Variants in BMP10 observed in about 807,000 individuals in gnomAD.
BMP10 encodes bone morphogenetic protein 10.
In BMP10, 9 loss-of-function variants were observed where a neutral mutation model predicts 29.9. The observed-to-expected ratio is 0.30, with a 90% CI of 0.18 to 0.53. The LOEUF is 0.53. Among genes scored for constraint, BMP10 ranks in the 20% least tolerant of loss-of-function variants. The pLI is 0.96. For synonymous variants in BMP10, 202 were observed against 200.2 expected, an observed-to-expected ratio of 1.01 and a Z score of -0.07; for missense variants, 474 against 524.3, an observed-to-expected ratio of 0.90 and a Z score of 0.94.
rs1376286138 is a variant in BMP10, at chr2:68,863,803, A to T, written c.*1828T>A. ...GAGTTTATAACCTTAAGAGATTTGT[A>T]AAAGGGGACTGATTGTTTTCCAGGG... On this transcript the variant is annotated 3_prime_UTR_variant, in exon 2 of 2. Coordinates refer to ENST00000295379, the MANE Select transcript of BMP10 (RefSeq NM_014482.3). Among the ~76,000 whole-genome samples, 1 of 152,152 alleles carries T rather than the reference A, an allele frequency of 6.6e-6. No homozygotes were observed.
chr2:68,868,431 C>A (rs144527475), intron 1 of BMP10, among the ~76,000 whole-genome samples: 2,046 of 152,284 alleles, frequency 0.013, 23 homozygotes, highest in Middle Eastern at 0.031. Flanking sequence ...CCTTATATTT[C>A]AGCCATCTTT....
Position 68,871,325 on chromosome 2 carries a change from A to G in BMP10, c.34T>C (p.Phe12Leu), listed in dbSNP as rs537280954. ...GSLVLTLCAL[F>L]CLAAYLVSGS... ...GAAACCAAGTAAGCTGCCAGGCAGAAAAGAGCGCACAGTGTCAGGACCAGA... is the reference window on the plus strand; with the variant it reads ...GAAACCAAGTAAGCTGCCAGGCAGAGAAGAGCGCACAGTGTCAGGACCAGA... Residue 12 changes from phenylalanine (F) to leucine (L), a missense_variant, in exon 1 of 2, where the codon TTC (phenylalanine) becomes CTC (leucine). Around this residue, in one of 2 missense-constraint regions of BMP10, gnomAD observed 408 missense variants for 415.3 expected, o/e 0.98. Transcript: ENST00000295379. 2 of 1,614,134 alleles carry G rather than the reference A, an allele frequency of 1.2e-6. No homozygotes were observed. Among genetic ancestry groups the G allele is most frequent in the East Asian group, 2.2e-5 (1 of 44,880 alleles).
rs1389219988 is a variant in BMP10 at position 68,861,310 on chromosome 2, A to G, written c.*4321T>C. On this transcript the variant is annotated 3_prime_UTR_variant, in exon 2 of 2. Transcript: ENST00000295379. The stretch of plus-strand genomic sequence containing the variant: ...CTGGCACATTGGCCGCCCCACCACT[A>G]TCAAGCCAGGTGCTCACAAAACCAG... Among the ~76,000 whole-genome samples the G allele has an allele frequency of 1.3e-5, 2 of 152,238 alleles. No homozygotes were observed. Among genetic ancestry groups the G allele is most frequent in the Non-Finnish European group, 2.9e-5 (2 of 68,040 alleles).
chr2:68,861,992 G>A lies in BMP10; in HGVS notation c.*3639C>T, dbSNP rs188798205. Among the ~76,000 whole-genome samples the A allele has an allele frequency of 1.3e-5, 2 of 152,266 alleles. No homozygotes were observed. Among genetic ancestry groups the A allele is most frequent in the Admixed American group, 1.3e-4 (2 of 15,302 alleles). ...TTCTGGGTCAGTGACGGCAACAGGT[G>A]AATTCAGAGGGGAAGTACCAGATTT... On this transcript the variant is annotated 3_prime_UTR_variant, in exon 2 of 2. Transcript: ENST00000295379.
At position 68,863,283 on chromosome 2, in the gene BMP10, CT is replaced by C. The variant is rs1682896244; in HGVS notation, c.*2347del. Among the ~76,000 whole-genome samples the C allele has an allele frequency of 6.6e-6, 1 of 152,190 alleles. No individual in the cohort carries two copies. Among genetic ancestry groups the C allele is most frequent in the East Asian group, 1.9e-4 (1 of 5,196 alleles). ...CCACAAATCAGGGCTTTTTCTCCCCCTGGATTGCTGGTTGTAAGGGTTTTAC... is the reference window on the plus strand; with the variant it reads ...CCACAAATCAGGGCTTTTTCTCCCCCGGATTGCTGGTTGTAAGGGTTTTAC... On this transcript the variant is annotated 3_prime_UTR_variant, in exon 2 of 2. Transcript: ENST00000295379.
chr2:68,865,334 T>TACAC lies in BMP10; in HGVS notation c.*296_*297insGTGT. 2.7e-6 allele frequency: 1 copy of TACAC among 374,140 alleles called. No homozygotes were observed. The highest frequency in any genetic ancestry group is 4.9e-5 in the South Asian group (1 of 20,296). The allele number at this position is 374,140 out of a possible 1,614,324, so 23.2% of individuals were successfully genotyped here. Reference sequence around the variant, plus strand: ...GAACCAAAAGATTTTTGTAAGTTCATGTATGTACAAATATACATACACAAG... The same window carrying TACAC: ...GAACCAAAAGATTTTTGTAAGTTCATACACGTATGTACAAATATACATACACAAG... On this transcript the variant is annotated 3_prime_UTR_variant, in exon 2 of 2. Coordinates refer to ENST00000295379, the MANE Select transcript of BMP10 (RefSeq NM_014482.3). The surrounding 1 kb of genome is among the most constrained non-coding windows in gnomAD (Gnocchi z 4.7).
rs770691289 is a variant in BMP10, at chr2:68,871,137, C to A, written c.222G>T (p.Gln74His). 1.2e-6 allele frequency: 2 copies of A among 1,614,120 alleles called. No homozygotes were observed. The highest frequency in any genetic ancestry group is 2.2e-5 in the South Asian group (2 of 91,078). ...KTLNLSDIPT[Q>H]DSAKVDPPEY... ...CTGGTGGGTCCACCTTGGCTGAATC[C>A]TGCGTGGGGATGTCAGAGAGGTTTA... Residue 74 changes from glutamine to histidine, a missense_variant, in exon 1 of 2, where the codon CAG becomes CAT. Gln to His is a conservative substitution (Grantham distance 24, BLOSUM62 0). Around this residue, in one of 2 missense-constraint regions of BMP10, gnomAD observed 408 missense variants for 415.3 expected, o/e 0.98. Transcript: ENST00000295379.
chr2:68,862,531 C>A lies in BMP10; in HGVS notation c.*3100G>T, dbSNP rs985070822. Reference sequence around the variant, plus strand: ...ATTTTGGCTGTGGGCTGCCCAAGTCCCTCTGCTATAATTCTCCTCAAGAGT... The same window carrying A: ...ATTTTGGCTGTGGGCTGCCCAAGTCACTCTGCTATAATTCTCCTCAAGAGT... On this transcript the variant is annotated 3_prime_UTR_variant, in exon 2 of 2. Coordinates refer to ENST00000295379, the MANE Select transcript of BMP10 (RefSeq NM_014482.3). 2.6e-5 allele frequency among the ~76,000 whole-genome samples: 4 copies of A among 152,112 alleles called. No homozygotes were observed. Among genetic ancestry groups the A allele is most frequent in the African/African-American group, 9.7e-5 (4 of 41,412 alleles).
chr2:68,870,190 C>T (rs965257946), intron 1 of BMP10, among the ~76,000 whole-genome samples: 9 of 152,168 alleles, frequency 5.9e-5, no homozygotes, highest in African/African-American at 2.2e-4. Context: ...GGACCTTCAG[C>T]TTCTACTATA....
rs933825651 is a variant in BMP10, at chr2:68,865,056, C to T, written c.*575G>A. On this transcript the variant is annotated 3_prime_UTR_variant, in exon 2 of 2. Coordinates refer to ENST00000295379, the MANE Select transcript of BMP10 (RefSeq NM_014482.3). This position sits in a 1 kb window ranked among gnomAD's most constrained non-coding sequence, Gnocchi z 4.7. The stretch of plus-strand genomic sequence containing the variant: ...CCATTTGGTTTCTGTATCAATTAAC[C>T]CTTCCCTTCAAGCATCCTTTGCCAG... 2.0e-5 allele frequency among the ~76,000 whole-genome samples: 3 copies of T among 152,138 alleles called. No homozygotes were observed. The highest frequency in any genetic ancestry group is 2.4e-5 in the African/African-American group (1 of 41,432).
intron 1 of BMP10, among the ~76,000 whole-genome samples, chr2:68,868,343 C>A (rs1452060248): frequency 2.6e-5 from 4 of 152,168 alleles, no homozygotes; most frequent in Admixed American, 2.0e-4. Flanking sequence ...TCCCTTACTT[C>A]TCATCTGAAA....
At position 68,871,245 on chromosome 2, in the gene BMP10, G is replaced by T. The variant is rs1235350388; in HGVS notation, c.114C>A (p.Leu38=). Residue 38 remains leucine (L), a synonymous_variant, in exon 1 of 2, where the codon CTC becomes CTA. Transcript: ENST00000295379. ...EQSPLEEDMS[L]FGDVFSEQDG... The stretch of plus-strand genomic sequence containing the variant: ...CTTGCTCTGAGAAAACATCACCAAA[G>T]AGGGACATATCTTCTTCCAGAGGAG... The T allele has an allele frequency of 6.2e-7, 1 of 1,614,146 alleles. No homozygotes were observed. The highest frequency in any genetic ancestry group is 2.2e-5 in the East Asian group (1 of 44,878).
Position 68,871,377 on chromosome 2 carries a change from A to G in BMP10, c.-19T>C, listed in dbSNP as rs1461709440. The G allele has an allele frequency of 6.2e-7, 1 of 1,605,870 alleles. No homozygotes were observed. Among genetic ancestry groups the G allele is most frequent in the Non-Finnish European group, 8.5e-7 (1 of 1,175,200 alleles). ...AGCCCATGACTCCGCTCGAGCTCCT[A>G]GGCCAAGCCAGGAAGGTTTAGCTTC... On this transcript the variant is annotated 5_prime_UTR_variant, in exon 1 of 2. Transcript: ENST00000295379.
intron 1 of BMP10, 75 bp from the exon 2 acceptor site, chr2:68,866,646 G>C: frequency 8.6e-7 from 1 of 1,163,906 alleles, no homozygotes; most frequent in Non-Finnish European, 1.2e-6. Context: ...TATGTAATAA[G>C]AAGGCCTTCC....
rs192374919 is a variant in BMP10, at chr2:68,868,234, T to G, written c.335-1663A>C. 7.1e-4 allele frequency among the ~76,000 whole-genome samples: 108 copies of G among 152,302 alleles called. 1 individual carries two copies. Among genetic ancestry groups the G allele is most frequent in the African/African-American group, 2.6e-3 (108 of 41,582 alleles). On this transcript the variant is annotated intron_variant, in intron 1 of 1. Coordinates refer to ENST00000295379, the MANE Select transcript of BMP10 (RefSeq NM_014482.3). ...TACCACCTGTCAAAACACTCTTTTT[T>G]TCCCTGCAATTTTCACCTTTTCACA...
chr2:68,869,743 G>T (rs1293525186), intron 1 of BMP10, among the ~76,000 whole-genome samples: 1 of 152,130 alleles, frequency 6.6e-6, no homozygotes, highest in Non-Finnish European at 1.5e-5. Flanking sequence ...CCATGAGAAA[G>T]ATATTATGAA....
chr2:68,866,006 C>T lies in BMP10; in HGVS notation c.900G>A (p.Leu300=). 2 of 1,614,070 alleles carry T rather than the reference C, an allele frequency of 1.2e-6. No homozygotes were observed. Among genetic ancestry groups the T allele is most frequent in the Non-Finnish European group, 1.7e-6 (2 of 1,179,970 alleles). The stretch of plus-strand genomic sequence containing the variant: ...CATAGATGATGTTTGATCTCATCTG[C>T]AACAAAGCCTCTTCCCCAGGTCCAC... ...FSSGPGEEAL[L]QMRSNIIYDS... Residue 300 remains leucine, a synonymous_variant, in exon 2 of 2, where the codon TTG becomes TTA. Transcript: ENST00000295379.
Position 68,871,288 on chromosome 2 carries a change from A to T in BMP10, c.71T>A (p.Ile24Asn). 1 of 1,614,140 alleles carries T rather than the reference A, an allele frequency of 6.2e-7. No homozygotes were observed. Among genetic ancestry groups the T allele is most frequent in the Admixed American group, 1.7e-5 (1 of 60,022 alleles). Residue 24 changes from isoleucine to asparagine, a missense_variant, in exon 1 of 2, where the codon ATC becomes AAC. Physicochemically the swap from Ile to Asn is moderately radical, Grantham distance 149 (BLOSUM62 -3). This residue lies in a region of BMP10 where 408 missense variants were observed against 415.3 expected (regional missense o/e 0.98). Coordinates refer to ENST00000295379, the MANE Select transcript of BMP10 (RefSeq NM_014482.3). ...CAGAGGAGACTGCTCTAGGTTCATGATGGGGCTGCCAGAAACCAAGTAAGC... is the reference window on the plus strand; with the variant it reads ...CAGAGGAGACTGCTCTAGGTTCATGTTGGGGCTGCCAGAAACCAAGTAAGC... ...LAAYLVSGSP[I>N]MNLEQSPLEE...
rs1397576148 is a variant in BMP10, at chr2:68,865,980, T to A, written c.926A>T (p.Asp309Val). The A allele has an allele frequency of 6.2e-6, 10 of 1,612,660 alleles. No homozygotes were observed. The highest frequency in any genetic ancestry group is 7.6e-6 in the Non-Finnish European group (9 of 1,179,648). The change falls in exon 2 of 2, where the codon GAC becomes GTC. Residue 309 changes from aspartate (D) to valine (V), a missense_variant. By Grantham distance (152) the Asp-to-Val change is radical. Around this residue, in one of 2 missense-constraint regions of BMP10, gnomAD observed 408 missense variants for 415.3 expected, o/e 0.98. Transcript: ENST00000295379. This position sits in a 1 kb window ranked among gnomAD's most constrained non-coding sequence, Gnocchi z 4.7. ...GTTCCTTCTGATTCGGGCAGTGGAG[T>A]CATAGATGATGTTTGATCTCATCTG... Reference protein sequence around the residue: ...LLQMRSNIIYDSTARIRRNAK... With the variant: ...LLQMRSNIIYVSTARIRRNAK...
Sources: allele counts gnomAD v4.1 joint callset (sites outside exome capture counted in the v4.1 genomes callset), GRCh38; gene constraint gnomAD v4.1.1; regional missense constraint gnomAD v4.1.1; non-coding constraint Gnocchi (gnomAD v3.1); transcripts MANE v1.5; gene names NCBI Gene and HGNC (gene_info 2026-07-23, HGNC 2026-07-21).